Variants in FRYL observed in about 807,000 individuals in gnomAD.
FRYL encodes the protein FRY like transcription coactivator, also known as protein furry homolog-like.
Under a neutral mutation model 351.2 loss-of-function variants are expected in FRYL, and 150 were observed. That is an observed-to-expected ratio of 0.43 (90% CI 0.37 to 0.49). The LOEUF is 0.49. Among genes scored for constraint, FRYL ranks in the 20% least tolerant of loss-of-function variants. The pLI, the probability that FRYL is intolerant of heterozygous loss-of-function variation, is 0.00. For missense variants in FRYL, 3,036 were observed against 3,619.3 expected, an observed-to-expected ratio of 0.84 and a Z score of 4.13; for synonymous variants, 1,153 against 1,257.1, an observed-to-expected ratio of 0.92 and a Z score of 1.75.
intron 55 of FRYL, chr4:48,520,564 C>T (rs1053171009): frequency 6.6e-6 from 1 of 152,202 alleles, no homozygotes; most frequent in African/African-American, 2.4e-5. Flanking sequence ...TGGCTTACTT[C>T]TCACAGGCCT....
chr4:48,664,881 G>C (rs1430148001), intron 3 of FRYL, among the ~76,000 whole-genome samples: 1 of 152,106 alleles, frequency 6.6e-6, no homozygotes, highest in Admixed American at 6.5e-5. Context: ...GAAACAGTTG[G>C]ACCAGAATTC....
At chr4:48,512,088 C>T (rs1029434677) in intron 57 of FRYL, among the ~76,000 whole-genome samples, 4 of 152,162 alleles carry the variant, frequency 2.6e-5, no homozygotes, top group Non-Finnish European at 5.9e-5. Flanking sequence ...AAGGTCCTCA[C>T]AAAGTCAATG....
intron 3 of FRYL, among the ~76,000 whole-genome samples, chr4:48,651,009 G>A (rs1477351642): frequency 6.6e-6 from 1 of 152,118 alleles, no homozygotes; most frequent in Non-Finnish European, 1.5e-5. Context: ...CCATCATGGA[G>A]AGCATCCTAT....
chr4:48,576,632 A>G (rs977336235), intron 23 of FRYL, among the ~76,000 whole-genome samples: 1 of 152,174 alleles, frequency 6.6e-6, no homozygotes, highest in Admixed American at 6.5e-5. Context: ...GATGGTTAGC[A>G]TAAGGTTTTT....
At chr4:48,703,719 G>C (rs986308490) in intron 2 of FRYL, among the ~76,000 whole-genome samples, 1 of 152,058 alleles carries the variant, frequency 6.6e-6, no homozygotes, top group Non-Finnish European at 1.5e-5. Flanking sequence ...TTCTCTCTTA[G>C]AATTCTTAAC....
At chr4:48,507,904 G>C (rs1443476548) in intron 59 of FRYL, among the ~76,000 whole-genome samples, 1 of 152,110 alleles carries the variant, frequency 6.6e-6, no homozygotes, top group Non-Finnish European at 1.5e-5. Flanking sequence ...TGAGAAGGTC[G>C]GCAGAGACCG....
At chr4:48,600,116 A>C (rs972425547) in intron 13 of FRYL, among the ~76,000 whole-genome samples, 2 of 152,150 alleles carry the variant, frequency 1.3e-5, no homozygotes, top group African/African-American at 4.8e-5. Flanking sequence ...CAAAAAAAAA[A>C]AGGTATAGGT....
At chr4:48,657,568 T>C (rs1261169641) in intron 3 of FRYL, among the ~76,000 whole-genome samples, 1 of 152,148 alleles carries the variant, frequency 6.6e-6, no homozygotes, top group African/African-American at 2.4e-5. Flanking sequence ...TTTTCGATTG[T>C]ATTCTTTTTA....
intron 43 of FRYL, 51 bp from the exon 44 acceptor site, chr4:48,544,048 A>G (rs761369370): frequency 4.7e-6 from 7 of 1,485,688 alleles, no homozygotes; most frequent in Non-Finnish European, 5.6e-6. Context: ...TAGAATACTA[A>G]TGGGGTTATA....
intron 1 of FRYL, among the ~76,000 whole-genome samples, chr4:48,742,332 T>C (rs1772186476): frequency 6.6e-6 from 1 of 152,242 alleles, no homozygotes; most frequent in African/African-American, 2.4e-5. Context: ...TAAAATGCTG[T>C]TGACCTTGAA....
At chr4:48,583,156 CTT>C (rs879326339) in intron 19 of FRYL, among the ~76,000 whole-genome samples, 1 of 144,834 alleles carries the variant, frequency 6.9e-6, no homozygotes. Flanking sequence ...CTCAATCATT[CTT>C]TTTTTTTTTT....
intron 4 of FRYL, among the ~76,000 whole-genome samples, chr4:48,630,842 C>T (rs776583): frequency 0.99 from 150,505 of 152,284 alleles, 74,394 homozygotes; most frequent in East Asian, 1. Flanking sequence ...AAACCTACTA[C>T]CTGACTGACC....
intron 1 of FRYL, among the ~76,000 whole-genome samples, chr4:48,725,689 A>G (rs1160158331): frequency 1.3e-5 from 2 of 152,158 alleles, no homozygotes; most frequent in Non-Finnish European, 2.9e-5. Flanking sequence ...CTCAGTTATC[A>G]GATCCACTCT....
rs1724822356 is a variant in FRYL at position 48,521,218 on chromosome 4, A to G, written c.7522-3T>C. The G allele has an allele frequency of 1.3e-6, 2 of 1,593,890 alleles. No individual in the cohort carries two copies. The highest frequency in any genetic ancestry group is 1.3e-5 in the African/African-American group (1 of 74,472). ...TCAGTGGCAGAATCACTGTTTAACT[A>G]AAAAGAGAAAGAGTAAAATAAGGAA... is the stretch of plus-strand genomic sequence containing the variant. On this transcript the variant is annotated splice_polypyrimidine_tract_variant and splice_region_variant and intron_variant, in intron 54 of 63. Transcript: ENST00000358350.
intron 29 of FRYL, 94 bp downstream of exon 29, chr4:48,565,437 T>C: frequency 1.1e-6 from 1 of 906,378 alleles, no homozygotes; most frequent in East Asian, 2.8e-5. Context: ...ATTTTAATAC[T>C]CTCAGATCCT....
intron 33 of FRYL, among the ~76,000 whole-genome samples, chr4:48,558,047 A>G (rs1411878703): frequency 6.6e-6 from 1 of 152,236 alleles, no homozygotes; most frequent in Non-Finnish European, 1.5e-5. Flanking sequence ...ATGATCCAGC[A>G]ACCCCACTTC....
At chr4:48,699,652 A>G (rs1288598939) in intron 2 of FRYL, among the ~76,000 whole-genome samples, 2 of 152,180 alleles carry the variant, frequency 1.3e-5, no homozygotes, top group Non-Finnish European at 2.9e-5. Flanking sequence ...TACAGGGAAA[A>G]TGTGACAAAG....
At chr4:48,772,230 A>C (rs1268678799) in intron 1 of FRYL, among the ~76,000 whole-genome samples, 2 of 152,214 alleles carry the variant, frequency 1.3e-5, no homozygotes, top group African/African-American at 4.8e-5. Context: ...ACACTTCTAC[A>C]GGCTAGCAAG....
chr4:48,657,840 TAC>T (rs765556318), intron 3 of FRYL, among the ~76,000 whole-genome samples: 14 of 152,216 alleles, frequency 9.2e-5, no homozygotes, highest in Non-Finnish European at 1.9e-4. Context: ...ATGAGCCAAA[TAC>T]TATATACTAA....
Sources: allele counts gnomAD v4.1 joint callset (sites outside exome capture counted in the v4.1 genomes callset), GRCh38; gene constraint gnomAD v4.1.1; transcripts MANE v1.5; gene names NCBI Gene and HGNC (gene_info 2026-07-23, HGNC 2026-07-21).